SHROOM2: variants seen among roughly 807,000 people sequenced by gnomAD.
SHROOM2 encodes protein Shroom2.
Under a neutral mutation model 75.9 loss-of-function variants are expected in SHROOM2, and 33 were observed. The observed-to-expected ratio is 0.43, with a 90% CI of 0.33 to 0.58. The LOEUF (loss-of-function observed/expected upper bound fraction) is 0.58, where lower values mean the gene tolerates loss of function less well. Among genes scored for constraint, SHROOM2 ranks in the 20% least tolerant of loss-of-function variants. The pLI, the probability that SHROOM2 is intolerant of heterozygous loss-of-function variation, is 0.04. For synonymous variants in SHROOM2, 655 were observed against 663.6 expected (o/e 0.99, Z 0.20); for missense variants, 1,434 against 1,461.2 (o/e 0.98, Z 0.30).
intron 1 of SHROOM2, among the ~76,000 whole-genome samples, chrX:9,836,581 T>C (rs1248305204): frequency 2.8e-5 from 2 of 72,148 alleles, no homozygotes; most frequent in Non-Finnish European, 5.0e-5. Context: ...TTTATCGAGA[T>C]ATGTGATTTT....
At position 9,851,240 on chromosome X, in the gene SHROOM2, G is replaced by A. The variant is rs149508884; in HGVS notation, c.166-22412G>A. 7.5e-3 allele frequency among the ~76,000 whole-genome samples: 833 copies of A among 110,524 alleles called. 9 individuals carry two copies. The highest frequency in any genetic ancestry group is 0.026 in the African/African-American group (786 of 30,441). On this transcript the variant is annotated intron_variant, in intron 1 of 9. Coordinates refer to ENST00000380913, the MANE Select transcript of SHROOM2 (RefSeq NM_001649.4). Reference sequence around the variant, plus strand: ...CCCAGGCTGGTCTTGAACTCATGGCGTCAAGCAGTCCTCCTGCCTTGGCTT... The same window carrying A: ...CCCAGGCTGGTCTTGAACTCATGGCATCAAGCAGTCCTCCTGCCTTGGCTT...
chrX:9,803,154 G>C (rs1457531968), intron 1 of SHROOM2, among the ~76,000 whole-genome samples: 33 of 100,514 alleles, frequency 3.3e-4, no homozygotes, highest in African/African-American at 1.1e-3. Context: ...TGCCCAGGTT[G>C]GTCTTGAACT....
rs759412960 is a variant in SHROOM2, at chrX:9,915,516, C to G, written c.2892-16659C>G. Reference sequence around the variant, plus strand: ...TGTGGTAATGCCTCATAAAGCCACTCACTGCCAAGGTGCTCTTGGGTATAA... The same window carrying G: ...TGTGGTAATGCCTCATAAAGCCACTGACTGCCAAGGTGCTCTTGGGTATAA... On this transcript the variant is annotated intron_variant, in intron 5 of 9. Transcript: ENST00000380913. 2.7e-5 allele frequency among the ~76,000 whole-genome samples: 3 copies of G among 111,881 alleles called. No homozygotes were observed. In the South Asian group the frequency reaches 1.1e-3, roughly 42 times the overall value.
At chrX:9,819,469 T>G in intron 1 of SHROOM2, 1 of 294,207 alleles carries the variant, frequency 3.4e-6, no homozygotes, top group Non-Finnish European at 6.3e-6. Context: ...TTGACAGACA[T>G]TTTGGCTTAT....
chrX:9,800,842 T>C (rs769019780), intron 1 of SHROOM2, among the ~76,000 whole-genome samples: 103 of 108,582 alleles, frequency 9.5e-4, no homozygotes, highest in Non-Finnish European at 1.6e-3. Flanking sequence ...TTTTATTTTT[T>C]GTAGATACAG....
chrX:9,804,412 A>G (rs1190730649), intron 1 of SHROOM2, among the ~76,000 whole-genome samples: 1 of 111,997 alleles, frequency 8.9e-6, no homozygotes, highest in Non-Finnish European at 1.9e-5. Context: ...AAGACTTTCA[A>G]CAATCCTTAC....
intron 1 of SHROOM2, among the ~76,000 whole-genome samples, chrX:9,799,157 C>CTTTT (rs58508176): frequency 0.014 from 880 of 61,341 alleles, 236 homozygotes; most frequent in African/African-American, 0.073. Flanking sequence ...GAGTTTAATT[C>CTTTT]TTTTTTTTTT....
rs1032630390 is a variant in SHROOM2 at position 9,948,649 on chromosome X, CAAT to C, written c.*1713_*1715del. 1.8e-5 allele frequency: 2 copies of C among 113,567 alleles called. No homozygotes were observed. Among genetic ancestry groups the C allele is most frequent in the African/African-American group, 6.4e-5 (2 of 31,146 alleles). 9.4% of individuals were successfully genotyped at this position (113,567 alleles called of 1,213,427 possible). A position where few individuals can be genotyped will look rare whatever the true frequency, so the allele number is the denominator to read the frequency against. Reference sequence around the variant, plus strand: ...AGAGCCAAGTCCAAACTGGCAAGCTCAATGATGCAGGCAATAAACCGCCTTTTT... The same window carrying C: ...AGAGCCAAGTCCAAACTGGCAAGCTCGATGCAGGCAATAAACCGCCTTTTT... On this transcript the variant is annotated 3_prime_UTR_variant, in exon 10 of 10. Coordinates refer to ENST00000380913, the MANE Select transcript of SHROOM2 (RefSeq NM_001649.4).
rs1174346462 is a variant in SHROOM2 at position 9,896,159 on chromosome X, C to T, written c.2251C>T (p.Arg751Trp). 72 of 1,207,987 alleles carry T rather than the reference C, an allele frequency of 6.0e-5. No individual in the cohort carries two copies. Among genetic ancestry groups the T allele is most frequent in the Non-Finnish European group, 7.5e-5 (67 of 894,339 alleles). Residue 751 changes from arginine to tryptophan, a missense_variant, in exon 4 of 10, where the codon CGG (arginine) becomes TGG (tryptophan). Arg to Trp is a moderately radical substitution (Grantham distance 101). Around this residue, in one of 3 missense-constraint regions of SHROOM2, gnomAD observed 1,340 missense variants for 1,338.3 expected, o/e 1.00. Transcript: ENST00000380913. The part of the protein sequence containing the change: ...GGPHPPRIGG[R>W]RRFTAEQKLK... ...GCCCCACCCGCCCCGCATCGGAGGC[C>T]GGAGACGGTTCACAGCTGAGCAGAA...
chrX:9,860,022 G>A (rs779825793), intron 1 of SHROOM2, among the ~76,000 whole-genome samples: 15 of 111,768 alleles, frequency 1.3e-4, no homozygotes, highest in African/African-American at 4.9e-4. Flanking sequence ...TTTCTAATAC[G>A]TTATCCTTTC....
chrX:9,939,398 G>GCGTGTC (rs758683514), intron 8 of SHROOM2, 32 bp downstream of exon 8: 15 of 1,145,683 alleles, frequency 1.3e-5, no homozygotes, highest in African/African-American at 1.8e-5. Context: ...GACAGCGTGT[G>GCGTGTC]CGTGTCCAGG....
At chrX:9,907,383 G>C (rs1190442299) in intron 5 of SHROOM2, among the ~76,000 whole-genome samples, 1 of 111,071 alleles carries the variant, frequency 9.0e-6, no homozygotes, top group Non-Finnish European at 1.9e-5. Flanking sequence ...TTTGCCCACT[G>C]TATGCACCAG....
intron 1 of SHROOM2, among the ~76,000 whole-genome samples, chrX:9,838,765 G>A (rs999216748): frequency 9.0e-6 from 1 of 111,723 alleles, no homozygotes; most frequent in Non-Finnish European, 1.9e-5. Flanking sequence ...GCCACCAAGG[G>A]CTGGCACATT....
intron 1 of SHROOM2, among the ~76,000 whole-genome samples, chrX:9,788,621 C>T (rs1391558430): frequency 1.8e-5 from 2 of 111,589 alleles, no homozygotes; most frequent in African/African-American, 6.5e-5. Flanking sequence ...AAGAATCAGA[C>T]TCTGGCCCCA....
chrX:9,939,407 G>T, intron 8 of SHROOM2, 41 bp downstream of exon 8: 1 of 1,088,354 alleles, frequency 9.2e-7, no homozygotes, highest in Non-Finnish European at 1.2e-6. Context: ...TGCGTGTCCA[G>T]GCAGGGGCAG....
chrX:9,799,864 CTTT>C (rs1020169744), intron 1 of SHROOM2, among the ~76,000 whole-genome samples: 1 of 111,576 alleles, frequency 9.0e-6, no homozygotes, highest in Admixed American at 9.6e-5. Context: ...ACCAAATCAA[CTTT>C]TCGTCTGAAC....
At chrX:9,813,091 A>G (rs969650376) in intron 1 of SHROOM2, among the ~76,000 whole-genome samples, 1 of 112,206 alleles carries the variant, frequency 8.9e-6, no homozygotes, top group African/African-American at 3.2e-5. Context: ...TGATGGTGAC[A>G]TTAATTTCTG....
intron 1 of SHROOM2, among the ~76,000 whole-genome samples, chrX:9,814,532 C>G (rs773158204): frequency 1.8e-5 from 2 of 111,242 alleles, no homozygotes; most frequent in African/African-American, 3.3e-5. Flanking sequence ...GGTCTAGAAG[C>G]AAACAGGGGT....
intron 2 of SHROOM2, among the ~76,000 whole-genome samples, chrX:9,886,933 C>G (rs182653475): frequency 8.9e-6 from 1 of 112,273 alleles, no homozygotes; most frequent in Admixed American, 9.4e-5. Context: ...GAATAAACTT[C>G]TAAGGTAAAA....
Sources: allele counts gnomAD v4.1 joint callset (sites outside exome capture counted in the v4.1 genomes callset), GRCh38; gene constraint gnomAD v4.1.1; regional missense constraint gnomAD v4.1.1; transcripts MANE v1.5; gene names NCBI Gene and HGNC (gene_info 2026-07-23, HGNC 2026-07-21).